The following FAM13B variants were observed in gnomAD, a reference collection of about 807,000 sequenced individuals.
The protein encoded by FAM13B is protein FAM13B.
Under a neutral mutation model 117.3 loss-of-function variants are expected in FAM13B, and 60 were observed. The ratio of observed to expected loss-of-function variants is 0.51; its 90% CI spans 0.42 to 0.63. FAM13B has a LOEUF of 0.63. Among genes scored for constraint, FAM13B ranks in the 30% least tolerant of loss-of-function variants. The pLI, the probability that FAM13B is intolerant of heterozygous loss-of-function variation, is 0.00. For synonymous variants in FAM13B, 332 were observed against 356.1 expected (o/e 0.93, Z 0.76); for missense variants, 972 against 1,091.9 (o/e 0.89, Z 1.55).
At chr5:137,987,647 G>C in intron 8 of FAM13B, 31 bp from the exon 9 acceptor site, 1 of 1,594,138 alleles carries the variant, frequency 6.3e-7, no homozygotes, top group Non-Finnish European at 8.6e-7. Context: ...GTAAGAAGCA[G>C]TCACTCTAAC....
intron 1 of FAM13B, among the ~76,000 whole-genome samples, chr5:138,042,268 C>T (rs768945986): frequency 2.6e-5 from 4 of 152,108 alleles, no homozygotes; most frequent in East Asian, 3.9e-4. Flanking sequence ...TGTATGAATC[C>T]GTTAAAAACA....
intron 5 of FAM13B, among the ~76,000 whole-genome samples, chr5:138,011,510 C>T (rs1175548614): frequency 6.6e-6 from 1 of 151,950 alleles, no homozygotes; most frequent in Non-Finnish European, 1.5e-5. Context: ...GCTCCGCCTC[C>T]CCGGGTTCAC....
chr5:138,041,256 T>C (rs1414635630), intron 1 of FAM13B, among the ~76,000 whole-genome samples: 1 of 151,970 alleles, frequency 6.6e-6, no homozygotes, highest in Non-Finnish European at 1.5e-5. Context: ...ACAAAGAAAA[T>C]TGTTTGCATG....
At chr5:137,963,756 C>T (rs1768854260) in intron 10 of FAM13B, among the ~76,000 whole-genome samples, 1 of 152,196 alleles carries the variant, frequency 6.6e-6, no homozygotes, top group Admixed American at 6.5e-5. Context: ...TCCGCGCCTC[C>T]AGTCATATGA....
chr5:138,048,940 C>CTTTT (rs35414064), intron 1 of FAM13B, among the ~76,000 whole-genome samples: 17 of 122,436 alleles, frequency 1.4e-4, no homozygotes, highest in South Asian at 5.3e-4. Context: ...TGATACATTT[C>CTTTT]TTTTTTTTTT....
At chr5:137,969,876 T>C (rs540272553) in intron 10 of FAM13B, among the ~76,000 whole-genome samples, 2 of 151,820 alleles carry the variant, frequency 1.3e-5, no homozygotes, top group Non-Finnish European at 2.9e-5. Context: ...GAAGATCAAA[T>C]GAATGAAATG....
At chr5:138,023,873 T>G (rs935947957) in intron 1 of FAM13B, among the ~76,000 whole-genome samples, 1 of 152,186 alleles carries the variant, frequency 6.6e-6, no homozygotes, top group Non-Finnish European at 1.5e-5. Flanking sequence ...AAGTCTTATA[T>G]ACATTTTAGG....
intron 1 of FAM13B, among the ~76,000 whole-genome samples, chr5:138,044,570 G>GAAA (rs1791591624): frequency 2.7e-5 from 4 of 148,588 alleles, no homozygotes; most frequent in African/African-American, 7.4e-5. Context: ...AAAAAAAAAC[G>GAAA]GATAATATAA....
chr5:138,049,440 AT>A (rs1055279260), intron 1 of FAM13B, among the ~76,000 whole-genome samples: 105 of 142,632 alleles, frequency 7.4e-4, no homozygotes, highest in Non-Finnish European at 7.2e-4. Flanking sequence ...CGCCCTACTA[AT>A]TTTTTTTTTT....
At chr5:138,044,361 G>T (rs959083470) in intron 1 of FAM13B, among the ~76,000 whole-genome samples, 2 of 152,124 alleles carry the variant, frequency 1.3e-5, no homozygotes, top group Non-Finnish European at 2.9e-5. Flanking sequence ...AGACCAGCCT[G>T]ACCAATGTGG....
At chr5:137,951,601 G>A (rs1765051737) in intron 17 of FAM13B, among the ~76,000 whole-genome samples, 1 of 152,086 alleles carries the variant, frequency 6.6e-6, no homozygotes, top group African/African-American at 2.4e-5. Flanking sequence ...CAAGGCTGCA[G>A]TGAGCCATGA....
chr5:137,959,929 GT>G (rs1767679237), intron 12 of FAM13B, among the ~76,000 whole-genome samples, 166 bp from the exon 13 acceptor site: 1 of 152,188 alleles, frequency 6.6e-6, no homozygotes, highest in Non-Finnish European at 1.5e-5. Context: ...TAAACATGCA[GT>G]TTTAGAATAT....
intron 10 of FAM13B, among the ~76,000 whole-genome samples, chr5:137,982,740 C>T (rs1776124696): frequency 2.6e-5 from 4 of 152,174 alleles, no homozygotes; most frequent in Admixed American, 2.6e-4. Context: ...TTAAAATACA[C>T]AGGTGTGTCT....
intron 10 of FAM13B, among the ~76,000 whole-genome samples, chr5:137,967,522 CA>C (rs11308174): frequency 0.17 from 25,368 of 147,674 alleles, 2,213 homozygotes; most frequent in Non-Finnish European, 0.18. Flanking sequence ...GACTCTGTCT[CA>C]AAAAAAAAAT....
At chr5:138,014,032 GC>G (rs1360949881) in intron 4 of FAM13B, among the ~76,000 whole-genome samples, 1 of 152,070 alleles carries the variant, frequency 6.6e-6, no homozygotes, top group Admixed American at 6.5e-5. Flanking sequence ...AACCTCCCAG[GC>G]CCAAGCGATC....
Position 137,974,481 on chromosome 5 carries a change from G to C in FAM13B, c.1179+10776C>G, listed in dbSNP as rs1429764418. On this transcript the variant is annotated intron_variant, in intron 10 of 23. Coordinates refer to ENST00000689681, the MANE Select transcript of FAM13B (RefSeq NM_001385994.1). ...TTGTGGGGTGGGGGGAGGGGGGAGGGATAGCATTGGGAGATATACCTAATG... is the reference window on the plus strand; with the variant it reads ...TTGTGGGGTGGGGGGAGGGGGGAGGCATAGCATTGGGAGATATACCTAATG... Among the ~76,000 whole-genome samples, 381 of 99,162 alleles carry C rather than the reference G, an allele frequency of 3.8e-3. 4 individuals are homozygous for C. Among genetic ancestry groups the C allele is most frequent in the Admixed American group, 0.031 (243 of 7,726 alleles). 65.1% of individuals were successfully genotyped at this position (99,162 alleles called of 152,430 possible).
intron 10 of FAM13B, among the ~76,000 whole-genome samples, chr5:137,972,103 C>T (rs1300351042): frequency 2.7e-5 from 4 of 150,430 alleles, no homozygotes; most frequent in African/African-American, 9.7e-5. Context: ...TCCTCCCTAA[C>T]TCATTTTATG....
Position 138,026,769 on chromosome 5 carries a change from A to C in FAM13B, c.-202-5572T>G, listed in dbSNP as rs1046939750. ...AGCCTGGCCAACATGGTAAAACCCT[A>C]TCTCTACTAAAAGTAAAAAATTAGC... On this transcript the variant is annotated intron_variant, in intron 1 of 23. Coordinates refer to ENST00000689681, the MANE Select transcript of FAM13B (RefSeq NM_001385994.1). Among the ~76,000 whole-genome samples the C allele has an allele frequency of 3.5e-4, 53 of 151,326 alleles. 1 individual carries two copies. Among genetic ancestry groups the C allele is most frequent in the Admixed American group, 1.2e-3 (18 of 15,110 alleles).
intron 10 of FAM13B, among the ~76,000 whole-genome samples, chr5:137,964,189 C>T (rs1768985242): frequency 1.3e-5 from 2 of 152,138 alleles, no homozygotes; most frequent in African/African-American, 4.8e-5. Flanking sequence ...TCCCGAGTAG[C>T]TGGGACTACA....
Sources: allele counts gnomAD v4.1 joint callset (sites outside exome capture counted in the v4.1 genomes callset), GRCh38; gene constraint gnomAD v4.1.1; transcripts MANE v1.5; gene names NCBI Gene and HGNC (gene_info 2026-07-23, HGNC 2026-07-21).